The following RGS18 variants were observed in gnomAD, a reference collection of about 807,000 sequenced individuals.
RGS18 encodes the protein regulator of G-protein signaling 18.
In RGS18, 22 loss-of-function variants were observed where a neutral mutation model predicts 27.6. The observed-to-expected ratio is 0.80, with a 90% CI of 0.57 to 1.14. The LOEUF (loss-of-function observed/expected upper bound fraction) is 1.14. RGS18 is among the 50% of genes most tolerant of loss of function. The pLI, the probability that RGS18 is intolerant of heterozygous loss-of-function variation, is 0.00. For missense variants in RGS18, 299 were observed against 269.6 expected, an observed-to-expected ratio of 1.11 and a Z score of -0.76; for synonymous variants, 89 against 84.6, an observed-to-expected ratio of 1.05 and a Z score of -0.29.
At chr1:192,160,934 G>A (rs986831332) in intron 3 of RGS18, among the ~76,000 whole-genome samples, 9 of 152,124 alleles carry the variant, frequency 5.9e-5, no homozygotes, top group Admixed American at 1.3e-4. Context: ...CTCACTGCAA[G>A]CTCCGCCTCC....
intron 3 of RGS18, among the ~76,000 whole-genome samples, chr1:192,169,986 G>C (rs572386901): frequency 3.0e-4 from 46 of 152,290 alleles, no homozygotes; most frequent in Non-Finnish European, 5.3e-4. Flanking sequence ...GTGGTAAATA[G>C]CTGGTTTCCA....
chr1:192,161,142 GC>G (rs556077781), intron 3 of RGS18, among the ~76,000 whole-genome samples: 180 of 152,280 alleles, frequency 1.2e-3, no homozygotes, highest in African/African-American at 4.1e-3. Context: ...GAACCACTGC[GC>G]CCCGCTCCAT....
At chr1:192,169,014 T>C (rs1232898103) in intron 3 of RGS18, 1 of 152,218 alleles carries the variant, frequency 6.6e-6, no homozygotes, top group Non-Finnish European at 1.5e-5. Flanking sequence ...TCAAAACTCC[T>C]AACCTGTAAA....
rs1656030089 is a variant in RGS18, at chr1:192,159,327, T to C, written c.221+6T>C. On this transcript the variant is annotated splice_donor_region_variant and intron_variant, in intron 2 of 4. Coordinates refer to ENST00000367460, the MANE Select transcript of RGS18 (RefSeq NM_130782.3). The stretch of plus-strand genomic sequence containing the variant: ...CACTTGGCCAAAGAAACAAGGTGAA[T>C]AAATTTTCAGTATTTTGAGGAAGAT... 6.3e-7 allele frequency: 1 copy of C among 1,593,270 alleles called. No homozygotes were observed. The highest frequency in any genetic ancestry group is 1.7e-5 in the Admixed American group (1 of 59,780).
At chr1:192,165,192 G>A (rs1348108313) in intron 3 of RGS18, among the ~76,000 whole-genome samples, 1 of 152,156 alleles carries the variant, frequency 6.6e-6, no homozygotes, top group Non-Finnish European at 1.5e-5. Flanking sequence ...AGGTAGGGAT[G>A]AAACATGCCC....
At chr1:192,178,742 T>C (rs1656400008) in intron 3 of RGS18, among the ~76,000 whole-genome samples, 2 of 151,670 alleles carry the variant, frequency 1.3e-5, no homozygotes, top group Admixed American at 6.6e-5. Flanking sequence ...AAAGATTTTA[T>C]ATCTGTAAGG....
Position 192,184,704 on chromosome 1 carries a change from C to A in RGS18, c.*150C>A. Reference sequence around the variant, plus strand: ...ATGTAAAAACAAAACTTTCTGCTAACAAAATACATACAGTATCTGCCAGTA... The same window carrying A: ...ATGTAAAAACAAAACTTTCTGCTAAAAAAATACATACAGTATCTGCCAGTA... On this transcript the variant is annotated 3_prime_UTR_variant, in exon 5 of 5. Coordinates refer to ENST00000367460, the MANE Select transcript of RGS18 (RefSeq NM_130782.3). 4.4e-6 allele frequency: 3 copies of A among 685,558 alleles called. No homozygotes were observed. Among genetic ancestry groups the A allele is most frequent in the Non-Finnish European group, 7.3e-6 (3 of 411,810 alleles). 42.5% of individuals were successfully genotyped at this position (685,558 alleles called of 1,614,324 possible).
At chr1:192,171,140 G>A (rs370350507) in intron 3 of RGS18, among the ~76,000 whole-genome samples, 18 of 152,244 alleles carry the variant, frequency 1.2e-4, no homozygotes, top group East Asian at 1.2e-3. Context: ...TGGAGGAAAT[G>A]TACAATGTAT....
At chr1:192,172,828 T>C (rs1279434363) in intron 3 of RGS18, among the ~76,000 whole-genome samples, 2 of 147,896 alleles carry the variant, frequency 1.4e-5, no homozygotes, top group East Asian at 4.1e-4. Flanking sequence ...TTTCTCTGCC[T>C]ACCAAAGGAA....
intron 3 of RGS18, among the ~76,000 whole-genome samples, chr1:192,173,347 T>C (rs533423944): frequency 2.6e-5 from 4 of 152,088 alleles, no homozygotes; most frequent in Admixed American, 6.6e-5. Context: ...TTTGCTTCTA[T>C]AATCATGAGA....
intron 3 of RGS18, among the ~76,000 whole-genome samples, chr1:192,178,126 TTTGA>T (rs1385470581): frequency 1.3e-5 from 2 of 151,650 alleles, no homozygotes; most frequent in African/African-American, 4.8e-5. Flanking sequence ...TTTTTTAAGA[TTTGA>T]TTATCAGCTA....
intron 1 of RGS18, 40 bp from the exon 2 acceptor site, chr1:192,159,180 T>C (rs1571383268): frequency 1.1e-5 from 15 of 1,428,172 alleles, no homozygotes; most frequent in African/African-American, 8.5e-5. Context: ...ATTTTAACTG[T>C]CATCTAAATT....
intron 3 of RGS18, among the ~76,000 whole-genome samples, chr1:192,176,939 A>G (rs536224864): frequency 3.4e-4 from 52 of 151,896 alleles, no homozygotes; most frequent in African/African-American, 1.2e-3. Flanking sequence ...CACGTTCTCA[A>G]AATTGATGCT....
In RGS18 at chr1:192,178,050, A is replaced by G. The variant is rs1656386810; in HGVS notation, c.284-3242A>G. Among the ~76,000 whole-genome samples, 3 of 151,652 alleles carry G rather than the reference A, an allele frequency of 2.0e-5. No individual in the cohort carries two copies. In the South Asian group the frequency reaches 6.2e-4, roughly 31 times the overall value. The stretch of plus-strand genomic sequence containing the variant: ...TTGTGTGAGAGATAGTTCCGGTCTA[A>G]ATAAAAGTAATTACAGATGGCACAA... On this transcript the variant is annotated intron_variant, in intron 3 of 4. Transcript: ENST00000367460.
intron 4 of RGS18, among the ~76,000 whole-genome samples, chr1:192,183,426 T>G (rs1174006840): frequency 6.6e-6 from 1 of 151,660 alleles, no homozygotes; most frequent in Non-Finnish European, 1.5e-5. Flanking sequence ...TTCCCATGAC[T>G]CAAATAATTT....
At chr1:192,181,652 CAG>C (rs1253206980) in intron 4 of RGS18, among the ~76,000 whole-genome samples, 194 bp downstream of exon 4, 1 of 151,474 alleles carries the variant, frequency 6.6e-6, no homozygotes, top group Non-Finnish European at 1.5e-5. Context: ...ATGATAAAAT[CAG>C]AGTTAGCATA....
At position 192,185,083 on chromosome 1, in the gene RGS18, C is replaced by T. The variant is rs1194712106; in HGVS notation, c.*529C>T. ...TTATTGGGTTACTACTAACCCTGTCCCAAGAATAGTAATATCACCTCTAGT... is the reference window on the plus strand; with the variant it reads ...TTATTGGGTTACTACTAACCCTGTCTCAAGAATAGTAATATCACCTCTAGT... On this transcript the variant is annotated 3_prime_UTR_variant, in exon 5 of 5. Transcript: ENST00000367460. The T allele has an allele frequency of 1.3e-5, 2 of 153,108 alleles. No homozygotes were observed. 9.5% of individuals were successfully genotyped at this position (153,108 alleles called of 1,614,324 possible). A position where few individuals can be genotyped will look rare whatever the true frequency, so the allele number is the denominator to read the frequency against.
chr1:192,176,369 T>G (rs573418141), intron 3 of RGS18, among the ~76,000 whole-genome samples: 1 of 151,926 alleles, frequency 6.6e-6, no homozygotes, highest in Admixed American at 6.6e-5. Flanking sequence ...CTTACTATGG[T>G]TAGCCTCCAT....
chr1:192,181,469 G>C lies in RGS18; in HGVS notation c.450+11G>C. On this transcript the variant is annotated intron_variant, in intron 4 of 4. Transcript: ENST00000367460. Reference sequence around the variant, plus strand: ...GATGCCCCAAAAGAGGTACAGTAAAGATAACTGTAAAAATGCATAATTGCT... The same window carrying C: ...GATGCCCCAAAAGAGGTACAGTAAACATAACTGTAAAAATGCATAATTGCT... 6.7e-7 allele frequency: 1 copy of C among 1,492,518 alleles called. No homozygotes were observed. Among genetic ancestry groups the C allele is most frequent in the South Asian group, 1.4e-5 (1 of 69,138 alleles). 92.5% of individuals were successfully genotyped at this position (1,492,518 alleles called of 1,614,324 possible).
Sources: allele counts gnomAD v4.1 joint callset (sites outside exome capture counted in the v4.1 genomes callset), GRCh38; gene constraint gnomAD v4.1.1; transcripts MANE v1.5; gene names NCBI Gene and HGNC (gene_info 2026-07-23, HGNC 2026-07-21).